The following HCFC2 variants were observed in gnomAD, a reference collection of about 807,000 sequenced individuals.
HCFC2 encodes host cell factor 2.
In HCFC2, 18 loss-of-function variants were observed where a neutral mutation model predicts 89.2. The observed-to-expected ratio is 0.20, with a 90% confidence interval of 0.14 to 0.30. The LOEUF (loss-of-function observed/expected upper bound fraction) is 0.30, where lower values mean the gene tolerates loss of function less well. Ranked by LOEUF, HCFC2 falls within the 10% of genes least tolerant of loss-of-function variation. HCFC2 has a pLI of 1.00. For synonymous variants in HCFC2, 308 were observed against 335.7 expected (o/e 0.92, Z 0.90); for missense variants, 578 against 956.1 (o/e 0.60, Z 5.21).
rs144294363 is a variant in HCFC2 at position 104,089,795 on chromosome 12, T to C, written c.1284+1757T>C. 7.7e-3 allele frequency among the ~76,000 whole-genome samples: 1,175 copies of C among 152,364 alleles called. 7 individuals are homozygous for C. Among genetic ancestry groups the C allele is most frequent in the Admixed American group, 0.014 (211 of 15,300 alleles). On this transcript the variant is annotated intron_variant, in intron 9 of 14. Coordinates refer to ENST00000229330, the MANE Select transcript of HCFC2 (RefSeq NM_013320.3). ...ACTCCTTTTTCATGCAACTTTGTTTTTCCTGGCATTAACGGCCTCACTTTT... is the reference window on the plus strand; with the variant it reads ...ACTCCTTTTTCATGCAACTTTGTTTCTCCTGGCATTAACGGCCTCACTTTT...
intron 9 of HCFC2, among the ~76,000 whole-genome samples, chr12:104,092,224 T>C (rs1338511385): frequency 6.6e-6 from 1 of 152,164 alleles, no homozygotes; most frequent in African/African-American, 2.4e-5. Context: ...TCCCAACATT[T>C]TGGGAGGCCA....
At chr12:104,070,265 T>G (rs1387295766) in intron 3 of HCFC2, among the ~76,000 whole-genome samples, 1 of 152,178 alleles carries the variant, frequency 6.6e-6, no homozygotes, top group Non-Finnish European at 1.5e-5. Flanking sequence ...CCTGACCTCG[T>G]GATCTGCCCA....
rs915470849 is a variant in HCFC2 at position 104,068,967 on chromosome 12, G to A, written c.473+860G>A. 7.9e-5 allele frequency among the ~76,000 whole-genome samples: 12 copies of A among 151,870 alleles called. No homozygotes were observed. Among genetic ancestry groups the A allele is most frequent in the Admixed American group, 5.9e-4 (9 of 15,250 alleles). ...TGGTTACTATAGTGGTAATATATCCGTCATTTCATATAGTTACCCATTTTT... is the reference window on the plus strand; with the variant it reads ...TGGTTACTATAGTGGTAATATATCCATCATTTCATATAGTTACCCATTTTT... On this transcript the variant is annotated intron_variant, in intron 3 of 14. Coordinates refer to ENST00000229330, the MANE Select transcript of HCFC2 (RefSeq NM_013320.3). The surrounding 1 kb of genome is among the most constrained non-coding windows in gnomAD (Gnocchi z 4.1).
At chr12:104,073,598 ATTTTC>A (rs1375683571) in intron 3 of HCFC2, among the ~76,000 whole-genome samples, 1 of 152,106 alleles carries the variant, frequency 6.6e-6, no homozygotes, top group Non-Finnish European at 1.5e-5. Flanking sequence ...AATTTTCTAT[ATTTTC>A]TTCTAGTTCA....
intron 3 of HCFC2, among the ~76,000 whole-genome samples, chr12:104,069,057 G>A (rs1309747279): frequency 6.6e-6 from 1 of 152,064 alleles, no homozygotes; most frequent in Non-Finnish European, 1.5e-5. Context: ...TATAATCCCA[G>A]CACTTTGGGA....
At position 104,064,552 on chromosome 12, in the gene HCFC2, G is replaced by T; in HGVS notation, c.-9G>T. ...GTGCATTGTGGGCAGAGGGGCGGGG[G>T]TTGGGAAGATGGCGGCTCCCAGCCT... On this transcript the variant is annotated 5_prime_UTR_variant, in exon 1 of 15. Transcript: ENST00000229330. The surrounding 1 kb of genome is among the most constrained non-coding windows in gnomAD (Gnocchi z 7.3). 6.7e-7 allele frequency: 1 copy of T among 1,503,414 alleles called. No individual in the cohort carries two copies. The highest frequency in any genetic ancestry group is 8.9e-7 in the Non-Finnish European group (1 of 1,125,552). The allele number at this position is 1,503,414 out of a possible 1,614,324, so 93.1% of individuals were successfully genotyped here. A position where few individuals can be genotyped will look rare whatever the true frequency, so the allele number is the denominator to read the frequency against.
Position 104,093,568 on chromosome 12 carries a change from A to G in HCFC2, c.1462+5A>G. 1.9e-6 allele frequency: 3 copies of G among 1,589,428 alleles called. No homozygotes were observed. Among genetic ancestry groups the G allele is most frequent in the Non-Finnish European group, 2.6e-6 (3 of 1,169,138 alleles). On this transcript the variant is annotated splice_donor_5th_base_variant and intron_variant, in intron 10 of 14. Coordinates refer to ENST00000229330, the MANE Select transcript of HCFC2 (RefSeq NM_013320.3). ...ATATGCTAAGGAAAAATGAAGGTATATGGATGACATTTTAAACTAAAGCTT... is the reference window on the plus strand; with the variant it reads ...ATATGCTAAGGAAAAATGAAGGTATGTGGATGACATTTTAAACTAAAGCTT...
chr12:104,069,002 G>A (rs1593589242), intron 3 of HCFC2, among the ~76,000 whole-genome samples: 1 of 151,492 alleles, frequency 6.6e-6, no homozygotes, highest in Non-Finnish European at 1.5e-5. Context: ...TTTCTGCCTG[G>A]GGCATGAGCA....
At chr12:104,092,566 A>G (rs1228458893) in intron 9 of HCFC2, among the ~76,000 whole-genome samples, 1 of 152,216 alleles carries the variant, frequency 6.6e-6, no homozygotes, top group Non-Finnish European at 1.5e-5. Flanking sequence ...TGAGGTCAGG[A>G]GTTCAAGACC....
Position 104,087,020 on chromosome 12 carries a change from A to G in HCFC2, c.1231+6A>G, listed in dbSNP as rs1281595302. 3.1e-6 allele frequency: 5 copies of G among 1,613,024 alleles called. No homozygotes were observed. Among genetic ancestry groups the G allele is most frequent in the Middle Eastern group, 1.7e-4 (1 of 6,056 alleles). ...AGCAGCACCAAATATGCAAGGTAAC[A>G]TAATTTTCATGCTTAAAGTATGTGT... On this transcript the variant is annotated splice_donor_region_variant and intron_variant, in intron 8 of 14. Transcript: ENST00000229330.
intron 9 of HCFC2, among the ~76,000 whole-genome samples, chr12:104,089,380 G>GT (rs748264456): frequency 6.6e-6 from 1 of 152,234 alleles, no homozygotes; most frequent in Middle Eastern, 3.4e-3. Context: ...GCCGGGCATG[G>GT]TGGCGGGTGC....
At position 104,095,348 on chromosome 12, in the gene HCFC2, C is replaced by G. The variant is rs986249599; in HGVS notation, c.1463-12C>G. Reference sequence around the variant, plus strand: ...TATCATATTAATAATTACCTTTTCCCTTTTATTTTAGGTCCTCACACTTCA... The same window carrying G: ...TATCATATTAATAATTACCTTTTCCGTTTTATTTTAGGTCCTCACACTTCA... On this transcript the variant is annotated splice_polypyrimidine_tract_variant and intron_variant, in intron 10 of 14. Transcript: ENST00000229330. The surrounding 1 kb of genome is among the most constrained non-coding windows in gnomAD (Gnocchi z 4.2). 13 of 1,597,538 alleles carry G rather than the reference C, an allele frequency of 8.1e-6. No individual in the cohort carries two copies. Among genetic ancestry groups the G allele is most frequent in the Non-Finnish European group, 1.1e-5 (13 of 1,165,996 alleles).
At position 104,093,476 on chromosome 12, in the gene HCFC2, G is replaced by C; in HGVS notation, c.1375G>C (p.Asp459His). The change falls in exon 10 of 15, where the codon GAT (aspartate) becomes CAT (histidine). Residue 459 changes from aspartate to histidine, a missense_variant. Asp to His is a moderately conservative substitution (Grantham distance 81). Around this residue, in one of 4 missense-constraint regions of HCFC2, gnomAD observed 210 missense variants for 251.7 expected, o/e 0.83. Coordinates refer to ENST00000229330, the MANE Select transcript of HCFC2 (RefSeq NM_013320.3). ...KNKPDFKALT[D>H]SNAILYPSLA... ...CAAACCAGACTTTAAAGCACTGACG[G>C]ATTCTAATGCCATTTTATATCCATC... The C allele has an allele frequency of 6.2e-7, 1 of 1,613,238 alleles. No individual in the cohort carries two copies. The highest frequency in any genetic ancestry group is 1.1e-5 in the South Asian group (1 of 91,044).
intron 5 of HCFC2, among the ~76,000 whole-genome samples, chr12:104,081,616 TAAA>T (rs1235540506): frequency 1.7e-4 from 25 of 151,268 alleles, no homozygotes; most frequent in African/African-American, 5.6e-4. Context: ...TTTTTTTTTT[TAAA>T]TAAACTCAAA....
intron 9 of HCFC2, chr12:104,090,965 C>T (rs1884007342): frequency 6.6e-6 from 1 of 152,082 alleles, no homozygotes; most frequent in Non-Finnish European, 1.5e-5. Context: ...GGTCTTTTTT[C>T]TTAGACCAAT....
At chr12:104,071,276 C>T (rs143939653) in intron 3 of HCFC2, among the ~76,000 whole-genome samples, 1 of 152,202 alleles carries the variant, frequency 6.6e-6, no homozygotes, top group East Asian at 1.9e-4. Flanking sequence ...TCTTTTGGAA[C>T]CTTTTTCATG....
rs1401853075 is a variant in HCFC2, at chr12:104,101,999, T to C, written c.1910T>C (p.Leu637Ser). The change falls in exon 14 of 15, where the codon TTG becomes TCG. Residue 637 changes from leucine (L) to serine (S), a missense_variant. Physicochemically the swap from Leu to Ser is moderately radical, Grantham distance 145. Transcript: ENST00000229330. The stretch of plus-strand genomic sequence containing the variant: ...AATGCAGATGTACCTGACTACAGCT[T>C]GCTTAAGAAACAAGATCTTGTTCCA... The part of the protein sequence containing the change: ...VGNADVPDYS[L>S]LKKQDLVPGT... The C allele has an allele frequency of 7.4e-6, 12 of 1,611,246 alleles. 1 individual carries two copies. Among genetic ancestry groups the C allele is most frequent in the Non-Finnish European group, 1.0e-5 (12 of 1,178,278 alleles).
rs1173346544 is a variant in HCFC2 at position 104,098,447 on chromosome 12, T to C, written c.1845T>C (p.Tyr615=). Residue 615 remains tyrosine (Y), a synonymous_variant, in exon 13 of 15, where the codon TAT becomes TAC. Transcript: ENST00000229330. ...ATACAGCTTTGGTGAGCCAGTTTTA[T>C]TTGCTGCCAAAAGGGAAGCAAAGCA... ...KNNTALVSQF[Y]LLPKGKQSIS... The C allele has an allele frequency of 1.2e-6, 2 of 1,609,286 alleles. No homozygotes were observed. Among genetic ancestry groups the C allele is most frequent in the Admixed American group, 3.4e-5 (2 of 59,430 alleles).
chr12:104,094,647 AT>A (rs753894414), intron 10 of HCFC2, among the ~76,000 whole-genome samples: 6 of 152,206 alleles, frequency 3.9e-5, no homozygotes, highest in Non-Finnish European at 8.8e-5. Context: ...TGCCAGAATT[AT>A]TTTATTAAAG....
Sources: allele counts gnomAD v4.1 joint callset (sites outside exome capture counted in the v4.1 genomes callset), GRCh38; gene constraint gnomAD v4.1.1; regional missense constraint gnomAD v4.1.1; non-coding constraint Gnocchi (gnomAD v3.1); transcripts MANE v1.5; gene names NCBI Gene and HGNC (gene_info 2026-07-23, HGNC 2026-07-21).